The following ARHGAP15 variants were observed in gnomAD, a reference collection of about 807,000 sequenced individuals.
ARHGAP15 encodes the protein Rho GTPase activating protein 15.
ARHGAP15 carries 51 observed loss-of-function variants against 63.7 expected under a neutral mutation model. The ratio of observed to expected loss-of-function variants is 0.80; its 90% CI spans 0.64 to 1.01. The LOEUF (loss-of-function observed/expected upper bound fraction) is 1.01. Ranked by LOEUF, ARHGAP15 falls within the 50% of genes least tolerant of loss-of-function variation. The pLI is 0.00. For synonymous variants in ARHGAP15, 191 were observed against 193.8 expected (o/e 0.99, Z 0.12); for missense variants, 560 against 564.6 (o/e 0.99, Z 0.08).
chr2:143,550,785 C>G (rs1252573493), intron 10 of ARHGAP15, among the ~76,000 whole-genome samples: 1 of 152,092 alleles, frequency 6.6e-6, no homozygotes, highest in African/African-American at 2.4e-5. Flanking sequence ...AACATGTTCC[C>G]TTTTTAAAAA....
chr2:143,174,569 C>T (rs984793067), intron 2 of ARHGAP15, among the ~76,000 whole-genome samples: 9 of 152,124 alleles, frequency 5.9e-5, no homozygotes, highest in Non-Finnish European at 1.2e-4. Flanking sequence ...TCATATAAAG[C>T]ATCTGTGTGC....
chr2:143,372,903 TG>T (rs1486972438), intron 6 of ARHGAP15, among the ~76,000 whole-genome samples: 1 of 151,574 alleles, frequency 6.6e-6, no homozygotes, highest in Admixed American at 6.6e-5. Context: ...TGATGAGTAG[TG>T]AGTGGACACC....
chr2:143,583,546 G>T (rs1318056026), intron 11 of ARHGAP15, among the ~76,000 whole-genome samples: 1 of 152,064 alleles, frequency 6.6e-6, no homozygotes, highest in Non-Finnish European at 1.5e-5. Flanking sequence ...GGTGGAAGAG[G>T]TCAGAAAGGT....
chr2:143,475,312 C>A lies in ARHGAP15; in HGVS notation c.704-12061C>A, dbSNP rs115245560. ...ACCCCACTATCCCTGATCACTTAGC[C>A]GTAGACGACATACTGTGTCCTCAGA... On this transcript the variant is annotated intron_variant, in intron 8 of 13. Transcript: ENST00000295095. 2.0e-5 allele frequency among the ~76,000 whole-genome samples: 3 copies of A among 152,196 alleles called. No individual in the cohort carries two copies. The East Asian group carries it at 5.8e-4, about 29-fold the overall frequency.
intron 13 of ARHGAP15, among the ~76,000 whole-genome samples, chr2:143,744,901 A>C (rs991167446): frequency 6.6e-6 from 1 of 152,200 alleles, no homozygotes; most frequent in African/African-American, 2.4e-5. Context: ...AATATTGTAA[A>C]GTTATTGTTT....
intron 12 of ARHGAP15, among the ~76,000 whole-genome samples, chr2:143,660,119 A>G (rs1341668678): frequency 6.6e-6 from 1 of 152,190 alleles, no homozygotes; most frequent in African/African-American, 2.4e-5. Context: ...GACTAGGATG[A>G]TGGGGTCCTT....
intron 11 of ARHGAP15, among the ~76,000 whole-genome samples, chr2:143,588,890 T>A (rs574141022): frequency 6.0e-4 from 91 of 152,308 alleles, no homozygotes; most frequent in African/African-American, 2.1e-3. Flanking sequence ...GTTTTCATAT[T>A]TGTTGTCAAC....
intron 11 of ARHGAP15, among the ~76,000 whole-genome samples, chr2:143,622,788 A>T (rs1409598564): frequency 2.0e-5 from 3 of 149,492 alleles, no homozygotes; most frequent in Non-Finnish European, 3.0e-5. Context: ...ATTTAAAAAA[A>T]AAAAAAAAAA....
intron 10 of ARHGAP15, among the ~76,000 whole-genome samples, chr2:143,538,241 CTT>C (rs1694872308): frequency 6.6e-6 from 1 of 152,150 alleles, no homozygotes; most frequent in South Asian, 2.1e-4. Context: ...TATCCTGAGA[CTT>C]TGCTGAAGTT....
chr2:143,271,546 T>C (rs143891742), intron 6 of ARHGAP15, among the ~76,000 whole-genome samples: 1 of 152,168 alleles, frequency 6.6e-6, no homozygotes, highest in Non-Finnish European at 1.5e-5. Context: ...CGCGATCTCG[T>C]CTCACTGCAA....
intron 9 of ARHGAP15, among the ~76,000 whole-genome samples, chr2:143,498,774 A>G (rs1692930700): frequency 1.3e-5 from 2 of 152,166 alleles, no homozygotes; most frequent in South Asian, 2.1e-4. Flanking sequence ...ATGGGAGGCA[A>G]CAACCCTGTC....
intron 9 of ARHGAP15, among the ~76,000 whole-genome samples, chr2:143,489,309 T>A (rs954685411): frequency 6.6e-6 from 1 of 152,158 alleles, no homozygotes; most frequent in African/African-American, 2.4e-5. Context: ...CTCTGATTCA[T>A]GCATTTCTTA....
At chr2:143,588,486 G>T (rs954713750) in intron 11 of ARHGAP15, among the ~76,000 whole-genome samples, 11 of 151,886 alleles carry the variant, frequency 7.2e-5, no homozygotes, top group Non-Finnish European at 1.5e-4. Context: ...CCCTCCCCTT[G>T]CTCCCCACCC....
chr2:143,660,445 A>T (rs1229747706), intron 12 of ARHGAP15, among the ~76,000 whole-genome samples: 1 of 152,264 alleles, frequency 6.6e-6, no homozygotes, highest in Non-Finnish European at 1.5e-5. Context: ...CTAACAGATT[A>T]AAGCAGGGTT....
At chr2:143,708,886 T>C (rs1020639358) in intron 13 of ARHGAP15, among the ~76,000 whole-genome samples, 8 of 152,076 alleles carry the variant, frequency 5.3e-5, no homozygotes, top group African/African-American at 1.9e-4. Context: ...AAGTAAGAGA[T>C]TTTGAAGCCA....
chr2:143,232,043 A>C (rs1393729871), intron 5 of ARHGAP15, among the ~76,000 whole-genome samples: 1 of 152,226 alleles, frequency 6.6e-6, no homozygotes, highest in Non-Finnish European at 1.5e-5. Flanking sequence ...ATCCTTAAAA[A>C]TATCCAAGTC....
At chr2:143,575,582 T>C (rs1479447918) in intron 11 of ARHGAP15, among the ~76,000 whole-genome samples, 1 of 152,158 alleles carries the variant, frequency 6.6e-6, no homozygotes, top group African/African-American at 2.4e-5. Context: ...ATGGTGCATG[T>C]GTTTAAATAC....
intron 6 of ARHGAP15, among the ~76,000 whole-genome samples, chr2:143,320,874 C>A (rs1314714754): frequency 1.3e-5 from 2 of 152,044 alleles, no homozygotes; most frequent in East Asian, 3.9e-4. Flanking sequence ...TGCTCTGCAG[C>A]AATGTGACTC....
At chr2:143,350,029 A>G (rs1035221257) in intron 6 of ARHGAP15, among the ~76,000 whole-genome samples, 4 of 152,190 alleles carry the variant, frequency 2.6e-5, no homozygotes, top group African/African-American at 7.2e-5. Context: ...ATTATAAAAT[A>G]TCTCCTTGCA....
Sources: gnomAD v4.1 joint callset for allele counts (sites outside exome capture counted in the v4.1 genomes callset) on GRCh38, gnomAD v4.1.1 for gene constraint, MANE v1.5 for transcripts, NCBI Gene and HGNC (gene_info 2026-07-23, HGNC 2026-07-21) for gene names.